TMCC2: variants seen among roughly 807,000 people sequenced by gnomAD.
TMCC2 encodes transmembrane and coiled-coil domain family 2.
Under a neutral mutation model 49.4 loss-of-function variants are expected in TMCC2, and 16 were observed. The ratio of observed to expected loss-of-function variants is 0.32; its 90% CI spans 0.22 to 0.49. TMCC2 has a LOEUF of 0.49. Among genes scored for constraint, TMCC2 ranks in the 20% least tolerant of loss-of-function variants. The probability of loss-of-function intolerance (pLI) is 0.99; values close to 1 mark genes in which losing one functional copy is unlikely to be tolerated. For synonymous variants in TMCC2, 397 were observed against 434.1 expected (o/e 0.91, Z 1.06); for missense variants, 762 against 989.8 (o/e 0.77, Z 3.09).
At chr1:205,251,209 C>G (rs886378314) in intron 2 of TMCC2, among the ~76,000 whole-genome samples, 1 of 152,178 alleles carries the variant, frequency 6.6e-6, no homozygotes, top group African/African-American at 2.4e-5. Context: ...GAATCAGAAG[C>G]TCCCCTGAGC....
intron 2 of TMCC2, among the ~76,000 whole-genome samples, chr1:205,255,158 G>A (rs112037757): frequency 0.022 from 3,304 of 148,964 alleles, 112 homozygotes; most frequent in African/African-American, 0.078. Flanking sequence ...AGGTGTGATC[G>A]TGCCACTGCA....
In TMCC2 at chr1:205,271,237, G is replaced by A. The variant is rs751913379; in HGVS notation, c.1800G>A (p.Glu600=). ...MEEKVAYQSY[E]RARDIQEAVE... Reference sequence around the variant, plus strand: ...AGAAGGTGGCCTACCAGTCCTATGAGAGGGCACGGGACATCCAGGTATGGC... The same window carrying A: ...AGAAGGTGGCCTACCAGTCCTATGAAAGGGCACGGGACATCCAGGTATGGC... Residue 600 remains glutamate, a synonymous_variant, in exon 4 of 5, where the codon GAG becomes GAA. Transcript: ENST00000358024. 7 of 1,614,194 alleles carry A rather than the reference G, an allele frequency of 4.3e-6. No individual in the cohort carries two copies. The South Asian group carries it at 7.7e-5, about 18-fold the overall frequency.
chr1:205,269,067 A>G lies in TMCC2; in HGVS notation c.865A>G (p.Ile289Val), dbSNP rs2102613705. The G allele has an allele frequency of 6.2e-7, 1 of 1,613,826 alleles. No individual in the cohort carries two copies. The highest frequency in any genetic ancestry group is 8.5e-7 in the Non-Finnish European group (1 of 1,180,020). ...APDPQRTKAA[I>V]DHLHQKILKI... ...GGACCCCCAGCGGACCAAGGCCGCC[A>G]TTGACCACCTGCACCAGAAGATCCT... is the stretch of plus-strand genomic sequence containing the variant. The change falls in exon 3 of 5, where the codon ATT becomes GTT. Residue 289 changes from isoleucine to valine, a missense_variant. Ile to Val is a conservative substitution (Grantham distance 29, BLOSUM62 3). Coordinates refer to ENST00000358024, the MANE Select transcript of TMCC2 (RefSeq NM_014858.4).
At chr1:205,255,167 C>T (rs1315103807) in intron 2 of TMCC2, among the ~76,000 whole-genome samples, 2 of 146,782 alleles carry the variant, frequency 1.4e-5, no homozygotes, top group East Asian at 3.9e-4. Context: ...CGTGCCACTG[C>T]ACTCCAGTCT....
chr1:205,237,560 C>T (rs142093471), intron 1 of TMCC2, among the ~76,000 whole-genome samples: 1 of 152,212 alleles, frequency 6.6e-6, no homozygotes, highest in East Asian at 1.9e-4. Flanking sequence ...ACACACGTAC[C>T]TGTAAAAATT....
At chr1:205,262,172 CT>C (rs1661143076) in intron 2 of TMCC2, among the ~76,000 whole-genome samples, 1 of 152,170 alleles carries the variant, frequency 6.6e-6, no homozygotes, top group Non-Finnish European at 1.5e-5. Flanking sequence ...TCCCCACCTT[CT>C]TCAGACATGC....
At chr1:205,263,584 G>A (rs1471872836) in intron 2 of TMCC2, among the ~76,000 whole-genome samples, 1 of 152,044 alleles carries the variant, frequency 6.6e-6, no homozygotes, top group Non-Finnish European at 1.5e-5. Context: ...CCCTGCTACT[G>A]GGGAGGCTGA....
chr1:205,259,100 G>A (rs181995588), intron 2 of TMCC2, among the ~76,000 whole-genome samples: 9 of 152,324 alleles, frequency 5.9e-5, no homozygotes, highest in Admixed American at 5.2e-4. Context: ...CCATAGACAA[G>A]CCAGGGTTGA....
intron 1 of TMCC2, among the ~76,000 whole-genome samples, chr1:205,239,979 A>G (rs2102540393): frequency 6.6e-6 from 1 of 152,292 alleles, no homozygotes; most frequent in South Asian, 2.1e-4. Context: ...AGGGAAAAAA[A>G]AAAAGAAAAT....
chr1:205,271,407 C>T (rs897227284), intron 4 of TMCC2, 152 bp downstream of exon 4: 18 of 1,304,722 alleles, frequency 1.4e-5, no homozygotes, highest in Middle Eastern at 2.0e-4. Flanking sequence ...GGCAGCGTAG[C>T]GGGAGCGGAG....
intron 2 of TMCC2, among the ~76,000 whole-genome samples, chr1:205,244,013 A>G (rs147204555): frequency 2.5e-3 from 388 of 152,370 alleles, no homozygotes; most frequent in African/African-American, 8.9e-3. Flanking sequence ...GGAAGTAATC[A>G]GAGTGAAATG....
intron 1 of TMCC2, among the ~76,000 whole-genome samples, chr1:205,232,996 A>G (rs865892163): frequency 0.3 from 4,173 of 13,988 alleles, 215 homozygotes; most frequent in Middle Eastern, 0.55. Flanking sequence ...CAACAACCGA[A>G]AAAAAAAAAA....
At chr1:205,245,188 G>T (rs1258227948) in intron 2 of TMCC2, among the ~76,000 whole-genome samples, 1 of 152,144 alleles carries the variant, frequency 6.6e-6, no homozygotes, top group African/African-American at 2.4e-5. Flanking sequence ...ACAGTAGAAT[G>T]CTGGTCCCGT....
At chr1:205,229,864 G>GATAA in intron 1 of TMCC2, 6 of 985,424 alleles carry the variant, frequency 6.1e-6, no homozygotes, top group Non-Finnish European at 7.2e-6. Flanking sequence ...CAGCAGCTGA[G>GATAA]ATAAATAATG....
Position 205,241,779 on chromosome 1 carries a change from T to A in TMCC2, c.482T>A (p.Ile161Asn). ...CAGCAGATCCGCTCCCGGCCCTCCA[T>A]CAAGCGGGGCGCCAGCCTGCACAGC... ...VLQQIRSRPS[I>N]KRGASLHSSS... The change falls in exon 2 of 5, where the codon ATC (isoleucine) becomes AAC (asparagine). Residue 161 changes from isoleucine to asparagine, a missense_variant. Physicochemically the swap from Ile to Asn is moderately radical, Grantham distance 149. Coordinates refer to ENST00000358024, the MANE Select transcript of TMCC2 (RefSeq NM_014858.4). The surrounding 1 kb of genome is among the most constrained non-coding windows in gnomAD (Gnocchi z 7.3). 6.2e-7 allele frequency: 1 copy of A among 1,609,170 alleles called. No individual in the cohort carries two copies. The highest frequency in any genetic ancestry group is 8.5e-7 in the Non-Finnish European group (1 of 1,178,852).
chr1:205,259,457 T>C (rs1170290043), intron 2 of TMCC2, among the ~76,000 whole-genome samples: 2 of 152,238 alleles, frequency 1.3e-5, no homozygotes, highest in African/African-American at 2.4e-5. Flanking sequence ...AACTGCTTAA[T>C]GCATTTACAT....
rs773234078 is a variant in TMCC2 at position 205,273,052 on chromosome 1, C to G, written c.*928C>G. Reference sequence around the variant, plus strand: ...AGAAGTGGGACCGAGCCACCCAGCCCCACTATCCCCAAGCAGCCCTACAGC... The same window carrying G: ...AGAAGTGGGACCGAGCCACCCAGCCGCACTATCCCCAAGCAGCCCTACAGC... On this transcript the variant is annotated 3_prime_UTR_variant, in exon 5 of 5. Coordinates refer to ENST00000358024, the MANE Select transcript of TMCC2 (RefSeq NM_014858.4). 2.0e-5 allele frequency: 3 copies of G among 152,134 alleles called. No individual in the cohort carries two copies. Among genetic ancestry groups the G allele is most frequent in the East Asian group, 1.9e-4 (1 of 5,174 alleles). The allele number at this position is 152,134 out of a possible 1,614,324, so 9.4% of individuals were successfully genotyped here.
chr1:205,263,757 C>T (rs913427633), intron 2 of TMCC2, among the ~76,000 whole-genome samples: 9 of 152,148 alleles, frequency 5.9e-5, no homozygotes, highest in African/African-American at 1.9e-4. Context: ...CCAGTTTCAT[C>T]GCTGTGGAGT....
At chr1:205,268,185 A>G in intron 2 of TMCC2, 1 of 532,372 alleles carries the variant, frequency 1.9e-6, no homozygotes, top group Non-Finnish European at 2.4e-6. Flanking sequence ...GCCCTGAGGG[A>G]GAGGCCTGCT....
Sources: allele counts gnomAD v4.1 joint callset (sites outside exome capture counted in the v4.1 genomes callset), GRCh38; gene constraint gnomAD v4.1.1; non-coding constraint Gnocchi (gnomAD v3.1); transcripts MANE v1.5; gene names NCBI Gene and HGNC (gene_info 2026-07-23, HGNC 2026-07-21).